GCSAML: variants seen among roughly 807,000 people sequenced by gnomAD.
The protein encoded by GCSAML is germinal center-associated signaling and motility-like protein.
In GCSAML, 9 loss-of-function variants were observed where a neutral mutation model predicts 13.0. The ratio of observed to expected loss-of-function variants is 0.69; its 90% CI spans 0.42 to 1.21. The LOEUF (loss-of-function observed/expected upper bound fraction) is 1.21. Among genes scored for constraint, GCSAML ranks in the 50% most tolerant of loss-of-function variants. The pLI, the probability that GCSAML is intolerant of heterozygous loss-of-function variation, is 0.00. For synonymous variants in GCSAML, 37 were observed against 52.9 expected, an observed-to-expected ratio of 0.70 and a Z score of 1.31; for missense variants, 143 against 153.4, an observed-to-expected ratio of 0.93 and a Z score of 0.36.
intron 1 of GCSAML, among the ~76,000 whole-genome samples, chr1:247,520,489 A>G (rs1415571308): frequency 3.3e-5 from 5 of 151,606 alleles, no homozygotes; most frequent in Non-Finnish European, 7.4e-5. Flanking sequence ...CCCCATATTG[A>G]GTTAGCCAGT....
chr1:247,522,097 C>T (rs1255238239), intron 1 of GCSAML, among the ~76,000 whole-genome samples: 29 of 150,036 alleles, frequency 1.9e-4, no homozygotes, highest in African/African-American at 4.7e-4. Flanking sequence ...GGAGCCCCTC[C>T]GCCTGGCAGC....
At chr1:247,531,347 A>AAGAG in intron 2 of GCSAML, 3 of 602,608 alleles carry the variant, frequency 5.0e-6, no homozygotes, top group Middle Eastern at 8.9e-4. Flanking sequence ...CCAACAACGC[A>AAGAG]ATTGAACAAA....
chr1:247,524,431 C>T (rs1666575953), intron 1 of GCSAML, among the ~76,000 whole-genome samples: 1 of 152,208 alleles, frequency 6.6e-6, no homozygotes. Context: ...AGTCCCTAGA[C>T]CTCATGTCAC....
At chr1:247,529,832 G>A (rs1007141686) in intron 2 of GCSAML, 24 of 149,064 alleles carry the variant, frequency 1.6e-4, no homozygotes, top group Non-Finnish European at 3.5e-4. Context: ...TCAGTTGAAA[G>A]CCTTAAGAGA....
chr1:247,543,182 T>C (rs1450389005), intron 2 of GCSAML, among the ~76,000 whole-genome samples: 1 of 152,224 alleles, frequency 6.6e-6, no homozygotes, highest in Non-Finnish European at 1.5e-5. Context: ...ACAGTATGTC[T>C]TTCAATTGGA....
intron 2 of GCSAML, among the ~76,000 whole-genome samples, chr1:247,539,899 A>G (rs1214440464): frequency 1.3e-5 from 2 of 152,132 alleles, no homozygotes; most frequent in African/African-American, 4.8e-5. Flanking sequence ...ATGAGTATCT[A>G]CTGTCTGCGC....
intron 4 of GCSAML, among the ~76,000 whole-genome samples, chr1:247,567,275 G>C (rs1202091578): frequency 6.6e-6 from 1 of 151,762 alleles, no homozygotes; most frequent in African/African-American, 2.4e-5. Context: ...CCTTCATCTA[G>C]GGTTTAAACC....
intron 2 of GCSAML, among the ~76,000 whole-genome samples, chr1:247,540,409 T>A (rs1407684504): frequency 6.6e-6 from 1 of 152,234 alleles, no homozygotes; most frequent in Non-Finnish European, 1.5e-5. Flanking sequence ...TTTTCCCTGA[T>A]GGTGTTACTT....
intron 1 of GCSAML, among the ~76,000 whole-genome samples, chr1:247,522,025 G>A (rs4925679): frequency 0.73 from 110,014 of 150,564 alleles, 41,959 homozygotes; most frequent in East Asian, 0.97. Context: ...GCCTCTGCCC[G>A]GCCGCAACCC....
At chr1:247,522,775 C>A (rs921930196) in intron 1 of GCSAML, among the ~76,000 whole-genome samples, 1 of 152,122 alleles carries the variant, frequency 6.6e-6, no homozygotes, top group Admixed American at 6.6e-5. Context: ...ACAAACACTG[C>A]GGAAGGCCGC....
At chr1:247,538,455 T>A (rs1440150131) in intron 2 of GCSAML, among the ~76,000 whole-genome samples, 1 of 152,206 alleles carries the variant, frequency 6.6e-6, no homozygotes, top group Non-Finnish European at 1.5e-5. Flanking sequence ...GATGGTGTTA[T>A]GAACTGAATT....
intron 4 of GCSAML, among the ~76,000 whole-genome samples, 166 bp downstream of exon 4, chr1:247,566,125 T>C (rs115161475): frequency 6.6e-6 from 1 of 152,346 alleles, no homozygotes; most frequent in African/African-American, 2.4e-5. Context: ...AAATAATTTA[T>C]ATGGCAATTG....
intron 4 of GCSAML, among the ~76,000 whole-genome samples, chr1:247,569,387 C>T (rs564022851): frequency 6.6e-6 from 1 of 152,194 alleles, no homozygotes; most frequent in East Asian, 1.9e-4. Context: ...TTGATCAGTA[C>T]CTAGTTTATT....
rs1666697060 is a variant in GCSAML at position 247,526,744 on chromosome 1, T to C, written c.-262-196T>C. On this transcript the variant is annotated intron_variant, in intron 1 of 5. Coordinates refer to the GCSAML transcript ENST00000366489. This position sits in a 1 kb window ranked among gnomAD's most constrained non-coding sequence, Gnocchi z 4.8. ...TGTGAGAAGCCATCAAAGCCTATGG[T>C]TGCTGCAAGAGGAATAAAAGAAAAG... 8.4e-6 allele frequency: 3 copies of C among 358,468 alleles called. No individual in the cohort carries two copies. Among genetic ancestry groups the C allele is most frequent in the Non-Finnish European group, 1.6e-5 (3 of 184,316 alleles). The allele number at this position is 358,468 out of a possible 1,614,324, so 22.2% of individuals were successfully genotyped here. A position where few individuals can be genotyped will look rare whatever the true frequency, so the allele number is the denominator to read the frequency against.
intron 1 of GCSAML, among the ~76,000 whole-genome samples, chr1:247,549,936 A>G (rs988670453): frequency 7.2e-5 from 11 of 152,222 alleles, no homozygotes; most frequent in Non-Finnish European, 1.5e-4. Context: ...CCTTCCAGAC[A>G]ATCTTGCATA....
At chr1:247,507,396 G>A (rs1161983321) in intron 1 of GCSAML, among the ~76,000 whole-genome samples, 1 of 152,122 alleles carries the variant, frequency 6.6e-6, no homozygotes, top group African/African-American at 2.4e-5. Context: ...AATGTTATGA[G>A]GACATAAATT....
chr1:247,518,685 C>CA (rs1379945076), intron 1 of GCSAML: 1 of 152,454 alleles, frequency 6.6e-6, no homozygotes, highest in African/African-American at 2.4e-5. Flanking sequence ...TGCACAATGG[C>CA]ATCCATTAAT....
At chr1:247,550,352 G>T (rs1667724228) in intron 1 of GCSAML, among the ~76,000 whole-genome samples, 1 of 152,090 alleles carries the variant, frequency 6.6e-6, no homozygotes, top group African/African-American at 2.4e-5. Context: ...AAGAGCTTAA[G>T]GGTGGCTGGG....
chr1:247,557,754 C>T (rs1292353047), intron 2 of GCSAML, among the ~76,000 whole-genome samples: 1 of 152,198 alleles, frequency 6.6e-6, no homozygotes, highest in Non-Finnish European at 1.5e-5. Flanking sequence ...CCCCGACTCC[C>T]CCCACTCCCC....
Sources: gnomAD v4.1 joint callset for allele counts (sites outside exome capture counted in the v4.1 genomes callset) on GRCh38, gnomAD v4.1.1 for gene constraint, Gnocchi (gnomAD v3.1) non-coding constraint, MANE v1.5 for transcripts, NCBI Gene and HGNC (gene_info 2026-07-23, HGNC 2026-07-21) for gene names.